TRDN: variants seen among roughly 807,000 people sequenced by gnomAD.
TRDN encodes triadin.
Under a neutral mutation model 149.7 loss-of-function variants are expected in TRDN, and 161 were observed. The observed-to-expected ratio is 1.08, with a 90% CI of 0.95 to 1.23. TRDN has a LOEUF of 1.23. Ranked by LOEUF, TRDN falls within the 50% of genes most tolerant of loss-of-function variation. The pLI is 0.00. For missense variants in TRDN, 896 were observed against 823.5 expected, an observed-to-expected ratio of 1.09 and a Z score of -1.08; for synonymous variants, 294 against 250.5, an observed-to-expected ratio of 1.17 and a Z score of -1.64.
chr6:123,335,257 G>C (rs956473986), intron 22 of TRDN, among the ~76,000 whole-genome samples: 2 of 151,688 alleles, frequency 1.3e-5, no homozygotes, highest in Non-Finnish European at 2.9e-5. Flanking sequence ...TTAAAAAGTA[G>C]ATATATTTAT....
intron 1 of TRDN, among the ~76,000 whole-genome samples, chr6:123,593,137 A>C (rs939487715): frequency 1.3e-5 from 2 of 152,228 alleles, no homozygotes; most frequent in African/African-American, 4.8e-5. Context: ...GGCAGTTTTC[A>C]TAAGAAAACT....
Position 123,226,710 on chromosome 6 carries a change from G to C in TRDN, c.1976-2579C>G, listed in dbSNP as rs115176291. ...AGAACTAGGAATAAAATTCAAGAAA[G>C]GAATAAGGCACTTACTGTCTACTTA... On this transcript the variant is annotated intron_variant, in intron 38 of 40. Transcript: ENST00000334268. Among the ~76,000 whole-genome samples, 152 of 151,916 alleles carry C rather than the reference G, an allele frequency of 1.0e-3. 1 individual carries two copies. Among genetic ancestry groups the C allele is most frequent in the African/African-American group, 3.5e-3 (147 of 41,516 alleles).
Position 123,274,684 on chromosome 6 carries a change from A to G in TRDN, c.1568-14T>C, listed in dbSNP as rs761704199. On this transcript the variant is annotated splice_polypyrimidine_tract_variant and intron_variant, in intron 26 of 40. Transcript: ENST00000334268. ...TAATTTGGGGCTCTGAGGGAGAGAA[A>G]AGGCAGAAAATTTAAAACCTGAAAA... The G allele has an allele frequency of 1.9e-6, 3 of 1,604,452 alleles. No homozygotes were observed. The South Asian group carries it at 3.4e-5, about 18-fold the overall frequency.
chr6:123,330,328 G>T (rs1271084906), intron 23 of TRDN, among the ~76,000 whole-genome samples: 1 of 151,872 alleles, frequency 6.6e-6, no homozygotes. Flanking sequence ...AAGAAACCTA[G>T]AATTTATTTA....
chr6:123,537,364 A>G (rs554934629), intron 4 of TRDN, among the ~76,000 whole-genome samples: 153 of 152,272 alleles, frequency 1.0e-3, no homozygotes, highest in African/African-American at 3.6e-3. Context: ...TACTAAATAT[A>G]TTTATGCTGG....
chr6:123,249,949 C>A (rs1776317477), intron 38 of TRDN, among the ~76,000 whole-genome samples: 1 of 151,982 alleles, frequency 6.6e-6, no homozygotes, highest in Admixed American at 6.6e-5. Flanking sequence ...TCTAGAAAAA[C>A]CTAAGGACTC....
intron 24 of TRDN, among the ~76,000 whole-genome samples, chr6:123,288,076 C>T (rs1167468424): frequency 6.6e-6 from 1 of 151,916 alleles, no homozygotes; most frequent in Non-Finnish European, 1.5e-5. Context: ...ATAAAGGTCA[C>T]ATTCAATGAA....
At chr6:123,586,952 T>A (rs750525939) in intron 1 of TRDN, among the ~76,000 whole-genome samples, 13 of 151,754 alleles carry the variant, frequency 8.6e-5, no homozygotes, top group Non-Finnish European at 1.5e-4. Context: ...GGTACAGCGA[T>A]ATAAGAGGTT....
intron 5 of TRDN, among the ~76,000 whole-genome samples, chr6:123,518,960 A>T (rs1333935608): frequency 6.6e-6 from 1 of 152,166 alleles, no homozygotes; most frequent in African/African-American, 2.4e-5. Context: ...ACTCTAAAAT[A>T]AAAATCACCT....
chr6:123,337,784 T>A (rs888134905), intron 21 of TRDN, 115 bp from the exon 22 acceptor site: 22 of 551,786 alleles, frequency 4.0e-5, no homozygotes, highest in African/African-American at 3.6e-4. Context: ...TCTGAGTTGA[T>A]ATTCACAATA....
intron 38 of TRDN, among the ~76,000 whole-genome samples, chr6:123,230,815 A>C (rs1309482616): frequency 3.9e-5 from 6 of 152,018 alleles, no homozygotes; most frequent in Non-Finnish European, 7.4e-5. Flanking sequence ...AGTCAAAGTG[A>C]ATATTACCTT....
At chr6:123,496,939 A>G (rs771474072) in intron 9 of TRDN, among the ~76,000 whole-genome samples, 13 of 152,078 alleles carry the variant, frequency 8.5e-5, no homozygotes, top group Non-Finnish European at 1.5e-4. Context: ...AGATTTTAGC[A>G]TTCCTTATAT....
At chr6:123,242,213 G>A (rs1208668185) in intron 38 of TRDN, among the ~76,000 whole-genome samples, 1 of 152,062 alleles carries the variant, frequency 6.6e-6, no homozygotes. Context: ...TTGCCTTTGG[G>A]CAAGTTCCTG....
intron 31 of TRDN, among the ~76,000 whole-genome samples, chr6:123,269,397 A>AC (rs1777126409): frequency 6.6e-6 from 1 of 152,052 alleles, no homozygotes; most frequent in African/African-American, 2.4e-5. Flanking sequence ...CAAATTAAAA[A>AC]CAGTATATGG....
chr6:123,232,208 G>GA (rs10715254), intron 38 of TRDN, among the ~76,000 whole-genome samples: 103 of 148,780 alleles, frequency 6.9e-4, no homozygotes, highest in South Asian at 1.3e-3. Context: ...CAAATAGACT[G>GA]AAAAAAAAAA....
chr6:123,636,200 C>A (rs1159065788), intron 1 of TRDN, among the ~76,000 whole-genome samples: 1 of 151,748 alleles, frequency 6.6e-6, no homozygotes, highest in East Asian at 1.9e-4. Flanking sequence ...TTTATGGGAA[C>A]ACTTATGTCT....
At chr6:123,381,205 C>G (rs1382576905) in intron 16 of TRDN, among the ~76,000 whole-genome samples, 165 bp downstream of exon 16, 1 of 152,042 alleles carries the variant, frequency 6.6e-6, no homozygotes, top group Non-Finnish European at 1.5e-5. Flanking sequence ...TCAGTCCACT[C>G]TAACCCCCAG....
chr6:123,229,399 C>CAAA (rs1164576510), intron 38 of TRDN, among the ~76,000 whole-genome samples: 1 of 151,986 alleles, frequency 6.6e-6, no homozygotes, highest in African/African-American at 2.4e-5. Flanking sequence ...GAAGGACTTT[C>CAAA]TCCTTTGTCC....
chr6:123,331,618 T>C (rs1162785266), intron 23 of TRDN, among the ~76,000 whole-genome samples: 1 of 152,092 alleles, frequency 6.6e-6, no homozygotes, highest in Non-Finnish European at 1.5e-5. Flanking sequence ...TCCATTTCAC[T>C]ACAGACCCAT....
Sources: gnomAD v4.1 joint callset for allele counts (sites outside exome capture counted in the v4.1 genomes callset) on GRCh38, gnomAD v4.1.1 for gene constraint, MANE v1.5 for transcripts, NCBI Gene and HGNC (gene_info 2026-07-23, HGNC 2026-07-21) for gene names.